Variants in MICU3 observed in about 807,000 individuals in gnomAD.
MICU3 encodes the protein calcium uptake protein 3, mitochondrial.
MICU3 carries 62 observed loss-of-function variants against 66.5 expected under a neutral mutation model. That is an observed-to-expected ratio of 0.93 (90% CI 0.76 to 1.15). MICU3 has a LOEUF of 1.15. Ranked by LOEUF, MICU3 falls within the 50% of genes most tolerant of loss-of-function variation. The pLI is 0.00. For synonymous variants in MICU3, 308 were observed against 240.7 expected (o/e 1.28, Z -2.59); for missense variants, 779 against 664.4 (o/e 1.17, Z -1.90).
At chr8:17,031,101 C>T (rs544010722) in intron 1 of MICU3, among the ~76,000 whole-genome samples, 1 of 151,862 alleles carries the variant, frequency 6.6e-6, no homozygotes, top group East Asian at 1.9e-4. Flanking sequence ...GCTTGTAGTC[C>T]CAGCTACTCA....
At chr8:17,098,408 C>A (rs1382657248) in intron 8 of MICU3, 50 bp from the exon 9 acceptor site, 11 of 1,133,900 alleles carry the variant, frequency 9.7e-6, no homozygotes, top group Non-Finnish European at 1.5e-5. Context: ...AATTATCATT[C>A]TTTGTAACTA....
chr8:17,111,804 T>C (rs1218523724), intron 11 of MICU3, among the ~76,000 whole-genome samples: 3 of 152,226 alleles, frequency 2.0e-5, no homozygotes, highest in Non-Finnish European at 2.9e-5. Context: ...TATTGACATC[T>C]ATATTAGTTC....
chr8:17,057,191 T>A (rs565712499), intron 1 of MICU3, among the ~76,000 whole-genome samples: 204 of 152,234 alleles, frequency 1.3e-3, no homozygotes, highest in Non-Finnish European at 2.5e-3. Flanking sequence ...CACCAAGCAC[T>A]GGGGTGGGTA....
At chr8:17,135,868 T>G in the MICU3 span, among the ~76,000 whole-genome samples, 1 of 152,098 alleles carries the variant, frequency 6.6e-6, no homozygotes, top group Non-Finnish European at 1.5e-5. Flanking sequence ...CAACTTGACC[T>G]CCAGATGTAA....
chr8:17,027,273 C>A lies in MICU3; in HGVS notation c.-7C>A. ...CCCTCCCAGCTCTGGTGTGGGCGGC[C>A]TCCGCTATGGCTGCGCTGCGAAGGC... On this transcript the variant is annotated 5_prime_UTR_variant, in exon 1 of 15. Coordinates refer to ENST00000318063, the MANE Select transcript of MICU3 (RefSeq NM_181723.3). The A allele has an allele frequency of 8.4e-7, 1 of 1,189,124 alleles. No homozygotes were observed. The allele number at this position is 1,189,124 out of a possible 1,614,324, so 73.7% of individuals were successfully genotyped here. A position where few individuals can be genotyped will look rare whatever the true frequency, so the allele number is the denominator to read the frequency against.
Position 17,036,055 on chromosome 8 carries a change from C to T in MICU3, c.381+8395C>T, listed in dbSNP as rs754215114. ...TCAAGAATGAAGCCGCGGACCCTCG[C>T]GGTGAGTGTTACAGCTCTTAAGGTG... On this transcript the variant is annotated intron_variant, in intron 1 of 14. Coordinates refer to ENST00000318063, the MANE Select transcript of MICU3 (RefSeq NM_181723.3). Among the ~76,000 whole-genome samples the T allele has an allele frequency of 4.4e-4, 67 of 152,292 alleles. 2 individuals are homozygous for T. The highest frequency in any genetic ancestry group is 1.4e-3 in the African/African-American group (57 of 41,552).
intron 1 of MICU3, among the ~76,000 whole-genome samples, chr8:17,032,948 C>T (rs1176180581): frequency 6.6e-6 from 1 of 152,052 alleles, no homozygotes; most frequent in African/African-American, 2.4e-5. Flanking sequence ...TGTAATTGTA[C>T]CATGCACCAT....
chr8:17,083,918 A>T (rs529767331), intron 5 of MICU3, among the ~76,000 whole-genome samples: 1 of 152,222 alleles, frequency 6.6e-6, no homozygotes, highest in Admixed American at 6.6e-5. Context: ...AGGGTAGCCA[A>T]TTGTTGAGAT....
chr8:17,027,350 T>C lies in MICU3; in HGVS notation c.71T>C (p.Leu24Pro). The change falls in exon 1 of 15, where the codon CTC (leucine) becomes CCC (proline). Residue 24 changes from leucine to proline, a missense_variant. Physicochemically the swap from Leu to Pro is moderately conservative, Grantham distance 98. Coordinates refer to ENST00000318063, the MANE Select transcript of MICU3 (RefSeq NM_181723.3). ...VSPPLCAHQPLLGPWGRPAVT... is the reference protein window; with the variant it reads ...VSPPLCAHQPPLGPWGRPAVT... ...CCTCCACTCTGCGCTCACCAGCCCC[T>C]CCTTGGGCCGTGGGGGCGGCCTGCG... 6.6e-7 allele frequency: 1 copy of C among 1,511,396 alleles called. No individual in the cohort carries two copies. The highest frequency in any genetic ancestry group is 1.8e-4 in the Middle Eastern group (1 of 5,452). 93.6% of individuals were successfully genotyped at this position (1,511,396 alleles called of 1,614,324 possible). A position where few individuals can be genotyped will look rare whatever the true frequency, so the allele number is the denominator to read the frequency against.
In MICU3 at chr8:17,077,848, T is replaced by C; in HGVS notation, c.633T>C (p.Asn211=). 2 of 1,610,244 alleles carry C rather than the reference T, an allele frequency of 1.2e-6. No homozygotes were observed. The highest frequency in any genetic ancestry group is 1.7e-6 in the Non-Finnish European group (2 of 1,177,266). The part of the protein sequence containing the change: ...VWKGSSKLFR[N]LKEKGVISYT... ...AAGGCTCATCGAAGCTATTTCGAAA[T>C]CTTAAAGAAAAAGGTGAGTTAACCT... Residue 211 remains asparagine (N), a synonymous_variant, in exon 4 of 15, where the codon AAT becomes AAC. Transcript: ENST00000318063.
intron 1 of MICU3, among the ~76,000 whole-genome samples, chr8:17,056,127 CCT>C (rs1031596485): frequency 6.6e-6 from 1 of 152,178 alleles, no homozygotes; most frequent in African/African-American, 2.4e-5. Flanking sequence ...ATCCGAATCC[CCT>C]GTTTCAGATT....
intron 1 of MICU3, among the ~76,000 whole-genome samples, chr8:17,060,280 A>T (rs904680172): frequency 2.0e-5 from 3 of 147,726 alleles, no homozygotes; most frequent in Admixed American, 6.8e-5. Context: ...CTGGGTTATC[A>T]TGGGGAAACT....
intron 1 of MICU3, among the ~76,000 whole-genome samples, chr8:17,038,677 C>G (rs551176951): frequency 6.6e-6 from 1 of 152,118 alleles, no homozygotes; most frequent in African/African-American, 2.4e-5. Flanking sequence ...ATGTGGCAGA[C>G]TTCATTGTTG....
intron 4 of MICU3, among the ~76,000 whole-genome samples, chr8:17,079,466 T>C (rs976277464): frequency 6.6e-6 from 1 of 152,180 alleles, no homozygotes; most frequent in Non-Finnish European, 1.5e-5. Context: ...TTTTTTTAAA[T>C]AGCGATTAAG....
At chr8:17,105,250 G>C (rs1244206301) in intron 10 of MICU3, among the ~76,000 whole-genome samples, 163 bp from the exon 11 acceptor site, 1 of 151,940 alleles carries the variant, frequency 6.6e-6, no homozygotes, top group Admixed American at 6.6e-5. Flanking sequence ...AAGCGATCGT[G>C]TGTTCTTTTC....
At chr8:17,117,936 G>A (rs997595382) in intron 13 of MICU3, among the ~76,000 whole-genome samples, 2 of 152,140 alleles carry the variant, frequency 1.3e-5, no homozygotes, top group Admixed American at 6.5e-5. Flanking sequence ...AAGAGAAAAA[G>A]TTATATATCC....
chr8:17,045,237 A>G (rs1814869074), intron 1 of MICU3, among the ~76,000 whole-genome samples: 1 of 152,184 alleles, frequency 6.6e-6, no homozygotes, highest in Admixed American at 6.5e-5. Context: ...CGTAACTACC[A>G]TAGTCCTTGA....
At chr8:17,035,933 C>G (rs916752265) in intron 1 of MICU3, among the ~76,000 whole-genome samples, 4 of 152,168 alleles carry the variant, frequency 2.6e-5, no homozygotes, top group Admixed American at 2.6e-4. Context: ...CAGCCCCACC[C>G]ACCACAGACC....
chr8:17,058,050 A>G (rs960754374), intron 1 of MICU3, among the ~76,000 whole-genome samples: 1 of 152,040 alleles, frequency 6.6e-6, no homozygotes, highest in African/African-American at 2.4e-5. Context: ...GGGTTTCACC[A>G]TGTTGGCCAG....
Sources: gnomAD v4.1 joint callset for allele counts (sites outside exome capture counted in the v4.1 genomes callset) on GRCh38, gnomAD v4.1.1 for gene constraint, MANE v1.5 for transcripts, NCBI Gene and HGNC (gene_info 2026-07-23, HGNC 2026-07-21) for gene names.